Variants in UNC13C observed in about 807,000 individuals in gnomAD.
UNC13C encodes the protein protein unc-13 homolog C.
A neutral mutation model predicts 245.4 loss-of-function variants in UNC13C; 174 were observed. That is an observed-to-expected ratio of 0.71 (90% CI 0.63 to 0.80). The LOEUF is 0.80. Ranked by LOEUF, UNC13C falls within the 30% of genes least tolerant of loss-of-function variation. The pLI is 0.00. For missense variants in UNC13C, 2,829 were observed against 2,602.9 expected (o/e 1.09, Z -1.89); for synonymous variants, 992 against 895.1 (o/e 1.11, Z -1.93).
At position 54,038,122 on chromosome 15, in the gene UNC13C, A is replaced by ATTTTTTTT. The variant is rs1355738786; in HGVS notation, c.2983+22237_2983+22238insTTTTTTTT. On this transcript the variant is annotated intron_variant, in intron 2 of 32. Coordinates refer to ENST00000260323, the MANE Select transcript of UNC13C (RefSeq NM_001080534.3). ...TACATATATATATATATATATATAT[A>ATTTTTTTT]TATTTTTTTTTTTTTTTTCCTGAGA... Among the ~76,000 whole-genome samples, 160 of 50,242 alleles carry ATTTTTTTT rather than the reference A, an allele frequency of 3.2e-3. 2 individuals carry two copies. Among genetic ancestry groups the ATTTTTTTT allele is most frequent in the East Asian group, 7.0e-3 (9 of 1,284 alleles). 33.0% of individuals were successfully genotyped at this position (50,242 alleles called of 152,430 possible).
intron 2 of UNC13C, among the ~76,000 whole-genome samples, chr15:54,129,622 T>C (rs940172647): frequency 2.0e-5 from 3 of 151,890 alleles, no homozygotes; most frequent in African/African-American, 7.2e-5. Context: ...TTAAGAAAAT[T>C]TTTATTTTGA....
chr15:54,266,402 C>T (rs550658606), intron 10 of UNC13C, among the ~76,000 whole-genome samples: 3 of 151,952 alleles, frequency 2.0e-5, no homozygotes, highest in East Asian at 3.9e-4. Context: ...TATCCCTTTA[C>T]GTGTTAAAAT....
At chr15:54,091,758 T>C (rs1246438786) in intron 2 of UNC13C, among the ~76,000 whole-genome samples, 1 of 89,850 alleles carries the variant, frequency 1.1e-5, no homozygotes, top group East Asian at 3.1e-4. Context: ...AGTTTTTCAA[T>C]TGATACTTTT....
the UNC13C span, among the ~76,000 whole-genome samples, chr15:53,869,509 A>G: frequency 4.6e-5 from 7 of 152,268 alleles, no homozygotes; most frequent in Non-Finnish European, 8.8e-5. Flanking sequence ...AGTCTTCATT[A>G]GAATAACTCC....
intron 4 of UNC13C, among the ~76,000 whole-genome samples, chr15:54,224,454 A>G (rs1363660110): frequency 2.6e-5 from 4 of 152,154 alleles, no homozygotes; most frequent in Non-Finnish European, 5.9e-5. Flanking sequence ...GGTATGATGA[A>G]CCATCCTTGT....
intron 19 of UNC13C, among the ~76,000 whole-genome samples, chr15:54,424,532 G>A (rs2040718449): frequency 6.6e-6 from 1 of 151,852 alleles, no homozygotes; most frequent in African/African-American, 2.4e-5. Flanking sequence ...TTGAGGAGAA[G>A]GGGAAAGGAC....
intron 2 of UNC13C, among the ~76,000 whole-genome samples, chr15:54,067,605 G>A (rs760253397): frequency 6.6e-6 from 1 of 152,164 alleles, no homozygotes; most frequent in Non-Finnish European, 1.5e-5. Flanking sequence ...CAGTTTTGCA[G>A]TTTACAGTTT....
chr15:54,476,376 C>G (rs1422613305), intron 19 of UNC13C, among the ~76,000 whole-genome samples: 1 of 149,666 alleles, frequency 6.7e-6, no homozygotes, highest in Non-Finnish European at 1.5e-5. Flanking sequence ...GACATGAAGT[C>G]CTTGCCCATG....
intron 10 of UNC13C, among the ~76,000 whole-genome samples, chr15:54,286,362 T>A (rs2037149569): frequency 6.6e-6 from 1 of 152,162 alleles, no homozygotes; most frequent in Non-Finnish European, 1.5e-5. Flanking sequence ...CAGTGTGAAG[T>A]ATATTTTAGT....
At chr15:54,495,343 T>C (rs1893902142) in intron 20 of UNC13C, among the ~76,000 whole-genome samples, 1 of 152,050 alleles carries the variant, frequency 6.6e-6, no homozygotes, top group South Asian at 2.1e-4. Flanking sequence ...GAACTTATAC[T>C]CTAGGAGATG....
intron 10 of UNC13C, among the ~76,000 whole-genome samples, chr15:54,285,308 T>C (rs1447876566): frequency 6.6e-6 from 1 of 152,180 alleles, no homozygotes; most frequent in Non-Finnish European, 1.5e-5. Context: ...CTGTTAAATG[T>C]AGGTGAGAAA....
chr15:54,269,207 T>G (rs2036624016), intron 10 of UNC13C, among the ~76,000 whole-genome samples: 1 of 152,090 alleles, frequency 6.6e-6, no homozygotes, highest in Admixed American at 6.6e-5. Context: ...TTTCTTTCTT[T>G]CTTTGTTTTT....
intron 26 of UNC13C, among the ~76,000 whole-genome samples, chr15:54,537,229 A>G (rs1204536000): frequency 6.6e-6 from 1 of 151,772 alleles, no homozygotes; most frequent in East Asian, 1.9e-4. Flanking sequence ...CATTCACAAT[A>G]GCCACATACA....
chr15:54,528,302 G>T (rs1235672845), intron 25 of UNC13C, among the ~76,000 whole-genome samples: 1 of 141,200 alleles, frequency 7.1e-6, no homozygotes, highest in Non-Finnish European at 1.5e-5. Flanking sequence ...TTTGCAGTTT[G>T]GTTTTTGGTT....
chr15:54,174,372 G>C (rs2033532038), intron 4 of UNC13C, among the ~76,000 whole-genome samples: 1 of 152,156 alleles, frequency 6.6e-6, no homozygotes, highest in East Asian at 1.9e-4. Context: ...TCTTCCAGTA[G>C]TGAGCTGGCT....
intron 2 of UNC13C, among the ~76,000 whole-genome samples, chr15:54,108,825 A>G (rs1196371206): frequency 1.3e-5 from 2 of 152,212 alleles, no homozygotes; most frequent in East Asian, 1.9e-4. Context: ...CATGATGACA[A>G]AAAGGAACCT....
intron 4 of UNC13C, among the ~76,000 whole-genome samples, chr15:54,194,630 G>A (rs1273934558): frequency 2.6e-5 from 4 of 152,144 alleles, no homozygotes; most frequent in East Asian, 1.9e-4. Context: ...ATTTAAGTGC[G>A]AGATCTGGGT....
chr15:54,127,698 A>G (rs984831168), intron 2 of UNC13C, among the ~76,000 whole-genome samples: 1 of 147,584 alleles, frequency 6.8e-6, no homozygotes, highest in Non-Finnish European at 1.5e-5. Context: ...CAGAACTTCA[A>G]GTGTGTGTGT....
At position 54,338,504 on chromosome 15, in the gene UNC13C, A is replaced by G. The variant is rs772410290; in HGVS notation, c.4713+15A>G. On this transcript the variant is annotated intron_variant, in intron 17 of 32. Coordinates refer to ENST00000260323, the MANE Select transcript of UNC13C (RefSeq NM_001080534.3). ...TAACAGACCCGGTAAGAAAATATGT[A>G]TGTCTTTTATAATCGCCACTTTTGT... The G allele has an allele frequency of 3.1e-5, 50 of 1,610,262 alleles. No homozygotes were observed. The highest frequency in any genetic ancestry group is 3.7e-5 in the Non-Finnish European group (43 of 1,177,228).
Sources: allele counts gnomAD v4.1 joint callset (sites outside exome capture counted in the v4.1 genomes callset), GRCh38; gene constraint gnomAD v4.1.1; transcripts MANE v1.5; gene names NCBI Gene and HGNC (gene_info 2026-07-23, HGNC 2026-07-21).